Variants in KDELR3 observed in about 807,000 individuals in gnomAD.
KDELR3 encodes ER lumen protein-retaining receptor 3.
In KDELR3, 26 loss-of-function variants were observed where a neutral mutation model predicts 22.7. The ratio of observed to expected loss-of-function variants is 1.15; its 90% CI spans 0.84 to 1.59. The LOEUF (loss-of-function observed/expected upper bound fraction) is 1.59, where lower values mean the gene tolerates loss of function less well. Ranked by LOEUF, KDELR3 falls within the 40% of genes most tolerant of loss-of-function variation. The pLI, the probability that KDELR3 is intolerant of heterozygous loss-of-function variation, is 0.00. For synonymous variants in KDELR3, 120 were observed against 98.2 expected (o/e 1.22, Z -1.31); for missense variants, 289 against 251.1 (o/e 1.15, Z -1.02).
intron 1 of KDELR3, 29 bp from the exon 2 acceptor site, chr22:38,474,494 C>T (rs1027707974): frequency 3.2e-6 from 5 of 1,580,596 alleles, no homozygotes; most frequent in Non-Finnish European, 4.3e-6. Flanking sequence ...TCTGTGTCCT[C>T]ATTGTCTCCT....
intron 1 of KDELR3, among the ~76,000 whole-genome samples, chr22:38,469,654 T>A (rs1181053125): frequency 6.6e-6 from 1 of 151,986 alleles, no homozygotes; most frequent in Non-Finnish European, 1.5e-5. Flanking sequence ...GAGAATCAGC[T>A]CCAACCTCTT....
At chr22:38,475,737 TTGCCTTG>T (rs2089553515) in intron 2 of KDELR3, among the ~76,000 whole-genome samples, 1 of 152,042 alleles carries the variant, frequency 6.6e-6, no homozygotes, top group Admixed American at 6.6e-5. Flanking sequence ...AGCCGGGAGC[TTGCCTTG>T]TGCCTCAGCC....
chr22:38,474,633 T>C lies in KDELR3; in HGVS notation c.192+10T>C. 1.2e-6 allele frequency: 2 copies of C among 1,603,684 alleles called. No individual in the cohort carries two copies. The highest frequency in any genetic ancestry group is 1.7e-6 in the Non-Finnish European group (2 of 1,170,782). ...CAACACAGTAATGAAGGTGAGGGGC[T>C]GGGTGATGATGGTTGGGGGAAGCCA... is the stretch of plus-strand genomic sequence containing the variant. On this transcript the variant is annotated intron_variant, in intron 2 of 4. Transcript: ENST00000216014.
chr22:38,480,590 T>C (rs2089592695), intron 3 of KDELR3, among the ~76,000 whole-genome samples: 4 of 148,222 alleles, frequency 2.7e-5, no homozygotes, highest in East Asian at 2.0e-4. Context: ...TACTGAAAAA[T>C]AGAAAAAAAA....
rs1211676411 is a variant in KDELR3 at position 38,468,271 on chromosome 22, T to A, written c.38T>A (p.Leu13His). 1 of 1,613,824 alleles carries A rather than the reference T, an allele frequency of 6.2e-7. No homozygotes were observed. The highest frequency in any genetic ancestry group is 1.3e-5 in the African/African-American group (1 of 75,020). Residue 13 changes from leucine to histidine, a missense_variant, in exon 1 of 5, where the codon CTC becomes CAC. Transcript: ENST00000216014. ...VFRILGDLSHLLAMILLLGKI... is the reference protein window; with the variant it reads ...VFRILGDLSHHLAMILLLGKI... ...CGAATCCTCGGCGACCTGAGCCACCTCCTGGCCATGATCTTGCTGCTGGGG... is the reference window on the plus strand; with the variant it reads ...CGAATCCTCGGCGACCTGAGCCACCACCTGGCCATGATCTTGCTGCTGGGG...
In KDELR3 at chr22:38,468,240, G is replaced by A. The variant is rs534217049; in HGVS notation, c.7G>A (p.Val3Met). MN[V>M]FRILGDLSHL... ...ACGACTGACTGGCTGGACCATGAAC[G>A]TGTTCCGAATCCTCGGCGACCTGAG... The change falls in exon 1 of 5, where the codon GTG (valine) becomes ATG (methionine). Residue 3 changes from valine to methionine, a missense_variant. Transcript: ENST00000216014. 52 of 1,613,786 alleles carry A rather than the reference G, an allele frequency of 3.2e-5. No individual in the cohort carries two copies. The South Asian group carries it at 5.7e-4, about 18-fold the overall frequency.
At chr22:38,469,615 G>C (rs991134537) in intron 1 of KDELR3, among the ~76,000 whole-genome samples, 1 of 152,100 alleles carries the variant, frequency 6.6e-6, no homozygotes, top group African/African-American at 2.4e-5. Context: ...GCTGAGTGGG[G>C]GACCCGGAGC....
At chr22:38,474,994 T>A (rs1201558038) in intron 2 of KDELR3, among the ~76,000 whole-genome samples, 9 of 140,916 alleles carry the variant, frequency 6.4e-5, no homozygotes, top group Non-Finnish European at 9.2e-5. Flanking sequence ...GCAGGAGAGT[T>A]GCTTGAACTT....
At chr22:38,478,317 G>A (rs930468054) in intron 2 of KDELR3, among the ~76,000 whole-genome samples, 7 of 151,934 alleles carry the variant, frequency 4.6e-5, no homozygotes, top group Non-Finnish European at 7.4e-5. Flanking sequence ...AGGCCGAGGC[G>A]GGCGGATCAC....
chr22:38,482,400 C>G, intron 4 of KDELR3, 96 bp from the exon 5 acceptor site: 2 of 995,540 alleles, frequency 2.0e-6, no homozygotes, highest in Admixed American at 3.6e-5. Context: ...TACTGTGAGC[C>G]GGCCATTAAG....
intron 1 of KDELR3, 34 bp from the exon 2 acceptor site, chr22:38,474,489 G>C: frequency 5.1e-6 from 8 of 1,563,286 alleles, no homozygotes; most frequent in Non-Finnish European, 7.0e-6. Context: ...GGGAGTCTGT[G>C]TCCTCATTGT....
rs993458248 is a variant in KDELR3 at position 38,482,690 on chromosome 22, A to C, written c.*154A>C. On this transcript the variant is annotated 3_prime_UTR_variant, in exon 5 of 5. Transcript: ENST00000216014. ...GCAAAACCTGATCATCCCACCCAGA[A>C]GACCTTCTCATCAATAGATCGCCCT... 8 of 664,232 alleles carry C rather than the reference A, an allele frequency of 1.2e-5. No homozygotes were observed. The highest frequency in any genetic ancestry group is 5.4e-5 in the East Asian group (2 of 36,698). 41.1% of individuals were successfully genotyped at this position (664,232 alleles called of 1,614,324 possible). A position where few individuals can be genotyped will look rare whatever the true frequency, so the allele number is the denominator to read the frequency against.
intron 1 of KDELR3, chr22:38,474,252 A>G (rs908094097): frequency 3.0e-6 from 1 of 328,304 alleles, no homozygotes; most frequent in Non-Finnish European, 5.7e-6. Flanking sequence ...CCAGGCAGGC[A>G]CACGCAGGGG....
intron 1 of KDELR3, among the ~76,000 whole-genome samples, chr22:38,471,316 G>A (rs2089523668): frequency 6.6e-6 from 1 of 152,238 alleles, no homozygotes; most frequent in Non-Finnish European, 1.5e-5. Context: ...CTCCCAGGCA[G>A]TCCTTCGTGG....
intron 2 of KDELR3, among the ~76,000 whole-genome samples, chr22:38,477,074 CTTTTTT>C (rs138429): frequency 1.6e-5 from 2 of 124,550 alleles, no homozygotes; most frequent in Non-Finnish European, 1.7e-5. Flanking sequence ...GCCTGGCTAA[CTTTTTT>C]TTTTTTTTTT....
chr22:38,472,200 G>A (rs1481540974), intron 1 of KDELR3, among the ~76,000 whole-genome samples: 1 of 152,028 alleles, frequency 6.6e-6, no homozygotes, highest in African/African-American at 2.4e-5. Context: ...ACTGCTGTCC[G>A]GGCACAGTGG....
At chr22:38,474,415 G>A (rs1439761963) in intron 1 of KDELR3, 108 bp from the exon 2 acceptor site, 18 of 786,634 alleles carry the variant, frequency 2.3e-5, no homozygotes, top group Non-Finnish European at 6.5e-6. Flanking sequence ...TCTTTGAGTG[G>A]GAGTGGACAC....
intron 4 of KDELR3, among the ~76,000 whole-genome samples, chr22:38,481,862 G>A (rs1247539235): frequency 6.6e-6 from 1 of 152,204 alleles, no homozygotes; most frequent in African/African-American, 2.4e-5. Context: ...CCTTTTGGCT[G>A]CCCTGGCCCA....
At chr22:38,469,466 T>C (rs113990501) in intron 1 of KDELR3, among the ~76,000 whole-genome samples, 15,124 of 151,658 alleles carry the variant, frequency 0.1, 820 homozygotes, top group Middle Eastern at 0.14. Flanking sequence ...CCTGGCAGGG[T>C]GGGGGTTGGT....
Sources: gnomAD v4.1 joint callset for allele counts (sites outside exome capture counted in the v4.1 genomes callset) on GRCh38, gnomAD v4.1.1 for gene constraint, MANE v1.5 for transcripts, NCBI Gene and HGNC (gene_info 2026-07-23, HGNC 2026-07-21) for gene names.